The following CACNA2D4 variants were observed in gnomAD, a reference collection of about 807,000 sequenced individuals.
CACNA2D4 encodes the protein voltage-dependent calcium channel subunit alpha-2/delta-4.
CACNA2D4 carries 157 observed loss-of-function variants against 163.8 expected under a neutral mutation model. The observed-to-expected ratio is 0.96, with a 90% CI of 0.84 to 1.09. The LOEUF is 1.09. Among genes scored for constraint, CACNA2D4 ranks in the 50% least tolerant of loss-of-function variants. CACNA2D4 has a pLI of 0.00. For synonymous variants in CACNA2D4, 598 were observed against 586.9 expected (o/e 1.02, Z -0.27); for missense variants, 1,410 against 1,479.9 (o/e 0.95, Z 0.78).
At chr12:1,810,695 G>T in intron 27 of CACNA2D4, 108 bp from the exon 28 acceptor site, 1 of 1,120,654 alleles carries the variant, frequency 8.9e-7, no homozygotes, top group Non-Finnish European at 1.3e-6. Context: ...GTGTGCATGT[G>T]TGCATGGGGT....
chr12:1,839,527 C>T (rs888324403), intron 26 of CACNA2D4, among the ~76,000 whole-genome samples: 5 of 152,228 alleles, frequency 3.3e-5, no homozygotes, highest in East Asian at 1.9e-4. Flanking sequence ...AGGCGGTCTG[C>T]GTTCAAATCC....
Position 1,844,613 on chromosome 12 carries a change from G to A in CACNA2D4, c.2343-84C>T. 1 of 1,477,548 alleles carries A rather than the reference G, an allele frequency of 6.8e-7. No individual in the cohort carries two copies. Among genetic ancestry groups the A allele is most frequent in the Non-Finnish European group, 9.3e-7 (1 of 1,078,226 alleles). 91.5% of individuals were successfully genotyped at this position (1,477,548 alleles called of 1,614,324 possible). ...TCCTTTTCTCACACAAGGTCAACTT[G>A]GCTGGGCTAAGAGAGTGATTTTAGC... On this transcript the variant is annotated intron_variant, in intron 24 of 37. Transcript: ENST00000382722. This position sits in a 1 kb window ranked among gnomAD's most constrained non-coding sequence, Gnocchi z 4.2.
chr12:1,878,358 G>C lies in CACNA2D4; in HGVS notation c.1676C>G (p.Thr559Ser). The change falls in exon 16 of 38, where the codon ACC (threonine) becomes AGC (serine). Residue 559 changes from threonine (T) to serine (S), a missense_variant. By Grantham distance (58) the Thr-to-Ser change is moderately conservative (BLOSUM62 1). Transcript: ENST00000382722. The surrounding 1 kb of genome is among the most constrained non-coding windows in gnomAD (Gnocchi z 4.6). The stretch of plus-strand genomic sequence containing the variant: ...ATGGGAGAGGATGTAGCCATTGTTG[G>C]TGTTCAGAAAGGCGTATCCGTGCAC... ...LGVHGYAFLN[T>S]NNGYILSHPD... 1 of 1,609,052 alleles carries C rather than the reference G, an allele frequency of 6.2e-7. No individual in the cohort carries two copies. Among genetic ancestry groups the C allele is most frequent in the East Asian group, 2.2e-5 (1 of 44,746 alleles).
At chr12:1,888,946 C>T (rs748455034) in intron 6 of CACNA2D4, among the ~76,000 whole-genome samples, 46 of 152,038 alleles carry the variant, frequency 3.0e-4, no homozygotes, top group Admixed American at 7.2e-4. Flanking sequence ...TGCAGAACTT[C>T]GAAGGCAAAT....
rs116214586 is a variant in CACNA2D4, at chr12:1,856,192, G to T, written c.2046C>A (p.Ala682=). The change falls in exon 21 of 38, where the codon GCC becomes GCA. Residue 682 remains alanine (A), a synonymous_variant. Coordinates refer to ENST00000382722, the MANE Select transcript of CACNA2D4 (RefSeq NM_172364.5). ...HDLLHPDLAL[A]GDWIYCITDI... ...TTTTACTCCTCACTTACCAGTCACCGGCCAGGGCCAGGTCTGGGTGAAGCA... is the reference window on the plus strand; with the variant it reads ...TTTTACTCCTCACTTACCAGTCACCTGCCAGGGCCAGGTCTGGGTGAAGCA... The T allele has an allele frequency of 1.2e-6, 2 of 1,613,960 alleles. No homozygotes were observed. The highest frequency in any genetic ancestry group is 1.1e-5 in the South Asian group (1 of 91,084).
chr12:1,893,920 A>G (rs1189088429), intron 6 of CACNA2D4, among the ~76,000 whole-genome samples: 1 of 152,192 alleles, frequency 6.6e-6, no homozygotes, highest in Admixed American at 6.5e-5. Flanking sequence ...ACAGAAACAA[A>G]CAAACTAGAG....
intron 26 of CACNA2D4, among the ~76,000 whole-genome samples, 169 bp downstream of exon 26, chr12:1,840,570 G>A (rs1012399646): frequency 6.6e-6 from 1 of 152,226 alleles, no homozygotes; most frequent in African/African-American, 2.4e-5. Context: ...AAAGTTTTAT[G>A]GTTTTACAAA....
rs934876822 is a variant in CACNA2D4, at chr12:1,878,096, C to T, written c.1719+219G>A. Reference sequence around the variant, plus strand: ...CACACTTCGTTACGTGCTCTCTGGCCCACTCATCAGTCATTTCACATGTTT... The same window carrying T: ...CACACTTCGTTACGTGCTCTCTGGCTCACTCATCAGTCATTTCACATGTTT... On this transcript the variant is annotated intron_variant, in intron 16 of 37. Coordinates refer to ENST00000382722, the MANE Select transcript of CACNA2D4 (RefSeq NM_172364.5). The surrounding 1 kb of genome is among the most constrained non-coding windows in gnomAD (Gnocchi z 4.6). Among the ~76,000 whole-genome samples the T allele has an allele frequency of 2.0e-5, 3 of 152,182 alleles. No homozygotes were observed. Among genetic ancestry groups the T allele is most frequent in the Non-Finnish European group, 4.4e-5 (3 of 68,032 alleles).
chr12:1,885,968 T>C lies in CACNA2D4; in HGVS notation c.1065A>G (p.Arg355=), dbSNP rs200227702. ...GILVQADRDN[R]EHFKLLVEEL... ...TCAGGCCACCGTGGACACTCACCTC[T>C]CGATTGTCTCGGTCCGCCTGGACGA... The change falls in exon 9 of 38, where the codon CGA becomes CGG. Residue 355 remains arginine (R), a synonymous_variant. Transcript: ENST00000382722. 7.7e-5 allele frequency: 124 copies of C among 1,611,410 alleles called. 2 individuals carry two copies. Among genetic ancestry groups the C allele is most frequent in the East Asian group, 8.9e-5 (4 of 44,838 alleles).
Position 1,834,663 on chromosome 12 carries a change from TGATGGGG to T in CACNA2D4, c.2551+6069_2551+6075del. ...CGGGAGCTCAAAAAGCGCCAGCCCC[TGATGGGG>T]GACCCCGAGGGCGAGCACGAGGACC... On this transcript the variant is annotated intron_variant, in intron 26 of 37. Transcript: ENST00000382722. The surrounding 1 kb of genome is among the most constrained non-coding windows in gnomAD (Gnocchi z 7.6). 1 of 1,601,342 alleles carries T rather than the reference TGATGGGG, an allele frequency of 6.2e-7. No individual in the cohort carries two copies. The highest frequency in any genetic ancestry group is 2.2e-5 in the East Asian group (1 of 44,842).
In CACNA2D4 at chr12:1,806,013, C is replaced by T. The variant is rs936858969; in HGVS notation, c.2721+4265G>A. 2.0e-5 allele frequency among the ~76,000 whole-genome samples: 3 copies of T among 152,160 alleles called. No homozygotes were observed. Among genetic ancestry groups the T allele is most frequent in the African/African-American group, 7.2e-5 (3 of 41,446 alleles). Reference sequence around the variant, plus strand: ...CCCTGCTCTGAGGGCCTGCCTGGTCCGGCTCACTGGGCTGGGGTGTGGAGG... The same window carrying T: ...CCCTGCTCTGAGGGCCTGCCTGGTCTGGCTCACTGGGCTGGGGTGTGGAGG... On this transcript the variant is annotated intron_variant, in intron 29 of 37. Transcript: ENST00000382722. This position sits in a 1 kb window ranked among gnomAD's most constrained non-coding sequence, Gnocchi z 4.1.
intron 18 of CACNA2D4, among the ~76,000 whole-genome samples, chr12:1,862,093 G>A (rs948508654): frequency 6.6e-6 from 1 of 152,188 alleles, no homozygotes; most frequent in Non-Finnish European, 1.5e-5. Flanking sequence ...CGCAGTGTGT[G>A]GACACGGCCC....
chr12:1,851,651 T>TTTTGTG (rs1865281975), intron 23 of CACNA2D4, among the ~76,000 whole-genome samples: 1 of 118,580 alleles, frequency 8.4e-6, no homozygotes, highest in East Asian at 2.4e-4. Flanking sequence ...TGGTGTGTGT[T>TTTTGTG]TGTGTGTGTG....
chr12:1,917,569 G>A lies in CACNA2D4; in HGVS notation c.227+678C>T, dbSNP rs1867017894. Among the ~76,000 whole-genome samples the A allele has an allele frequency of 6.6e-6, 1 of 152,088 alleles. No homozygotes were observed. The highest frequency in any genetic ancestry group is 6.6e-5 in the Admixed American group (1 of 15,256). ...TCCTTCCTAGGACCACCTGAGCTAG[G>A]GCCTAAAACACAGACACCCCAGAGA... On this transcript the variant is annotated intron_variant, in intron 1 of 37. Coordinates refer to ENST00000382722, the MANE Select transcript of CACNA2D4 (RefSeq NM_172364.5). The surrounding 1 kb of genome is among the most constrained non-coding windows in gnomAD (Gnocchi z 4.3).
rs1419761949 is a variant in CACNA2D4, at chr12:1,884,767, C to G, written c.1272+1G>C. 6.2e-7 allele frequency: 1 copy of G among 1,608,914 alleles called. No individual in the cohort carries two copies. The highest frequency in any genetic ancestry group is 1.3e-5 in the African/African-American group (1 of 74,942). On this transcript the variant is annotated splice_donor_variant, in intron 11 of 37. Transcript: ENST00000382722. LOFTEE classifies it high-confidence loss of function. Reference sequence around the variant, plus strand: ...TCCCTGGACACCCGTGGGAGGGTCACCTTACAGTCTGGCCAGTTATACTTC... The same window carrying G: ...TCCCTGGACACCCGTGGGAGGGTCAGCTTACAGTCTGGCCAGTTATACTTC...
intron 6 of CACNA2D4, among the ~76,000 whole-genome samples, chr12:1,897,310 T>C (rs1866432267): frequency 6.6e-6 from 1 of 152,154 alleles, no homozygotes; most frequent in South Asian, 2.1e-4. Flanking sequence ...GCTCTAATAT[T>C]TGATAGCAGA....
At position 1,834,254 on chromosome 12, in the gene CACNA2D4, C is replaced by T. The variant is rs1210832802; in HGVS notation, c.2551+6485G>A. The T allele has an allele frequency of 2.6e-6, 4 of 1,537,912 alleles. No homozygotes were observed. The highest frequency in any genetic ancestry group is 2.5e-5 in the South Asian group (2 of 78,888). ...ATGCCTGGTCAGCCCCTCTTTTTCTCTTCTGCATGTAGGGGGACGCTTGGA... is the reference window on the plus strand; with the variant it reads ...ATGCCTGGTCAGCCCCTCTTTTTCTTTTCTGCATGTAGGGGGACGCTTGGA... On this transcript the variant is annotated intron_variant, in intron 26 of 37. Transcript: ENST00000382722. The surrounding 1 kb of genome is among the most constrained non-coding windows in gnomAD (Gnocchi z 7.6).
At chr12:1,864,728 G>A (rs1403910448) in intron 18 of CACNA2D4, among the ~76,000 whole-genome samples, 1 of 152,244 alleles carries the variant, frequency 6.6e-6, no homozygotes, top group African/African-American at 2.4e-5. Context: ...CTTCCACCTT[G>A]AAAGCCTGGC....
chr12:1,874,531 C>T lies in CACNA2D4; in HGVS notation c.1878+73G>A. 9.6e-7 allele frequency: 1 copy of T among 1,038,844 alleles called. No homozygotes were observed. Among genetic ancestry groups the T allele is most frequent in the South Asian group, 1.3e-5 (1 of 75,572 alleles). 64.4% of individuals were successfully genotyped at this position (1,038,844 alleles called of 1,614,324 possible). A position where few individuals can be genotyped will look rare whatever the true frequency, so the allele number is the denominator to read the frequency against. ...CTATAATTAGGCTAAGTCCAGGTCC[C>T]TCGTCACTACTCCAAACCCAATTAA... On this transcript the variant is annotated intron_variant, in intron 18 of 37. Transcript: ENST00000382722. The surrounding 1 kb of genome is among the most constrained non-coding windows in gnomAD (Gnocchi z 4.4).
Sources: allele counts gnomAD v4.1 joint callset (sites outside exome capture counted in the v4.1 genomes callset), GRCh38; gene constraint gnomAD v4.1.1; non-coding constraint Gnocchi (gnomAD v3.1); transcripts MANE v1.5; gene names NCBI Gene and HGNC (gene_info 2026-07-23, HGNC 2026-07-21).